Variants in TSPAN11 observed in about 807,000 individuals in gnomAD.
The protein encoded by TSPAN11 is tetraspanin 11.
A neutral mutation model predicts 32.9 loss-of-function variants in TSPAN11; 29 were observed. The ratio of observed to expected loss-of-function variants is 0.88; its 90% CI spans 0.66 to 1.20. The LOEUF (loss-of-function observed/expected upper bound fraction) is 1.20, where lower values mean the gene tolerates loss of function less well. TSPAN11 is among the 50% of genes most tolerant of loss of function. TSPAN11 has a pLI of 0.00. For synonymous variants in TSPAN11, 140 were observed against 141.3 expected, an observed-to-expected ratio of 0.99 and a Z score of 0.07; for missense variants, 283 against 329.1, an observed-to-expected ratio of 0.86 and a Z score of 1.08.
At chr12:30,964,713 C>G (rs1178258254) in intron 3 of TSPAN11, among the ~76,000 whole-genome samples, 2 of 152,214 alleles carry the variant, frequency 1.3e-5, no homozygotes, top group African/African-American at 4.8e-5. Context: ...AACATGATAA[C>G]ATTACCATTA....
In TSPAN11 at chr12:30,993,531, G is replaced by A. The variant is rs1048294856; in HGVS notation, c.*1616G>A. 1 of 152,248 alleles carries A rather than the reference G, an allele frequency of 6.6e-6. No homozygotes were observed. The highest frequency in any genetic ancestry group is 1.5e-5 in the Non-Finnish European group (1 of 68,058). 9.4% of individuals were successfully genotyped at this position (152,248 alleles called of 1,614,324 possible). A position where few individuals can be genotyped will look rare whatever the true frequency, so the allele number is the denominator to read the frequency against. ...TCTGGGTGTTCTCCAGTGGCTTCTT[G>A]GAGCCTAGGCTGGTTTATCTCCCCT... On this transcript the variant is annotated 3_prime_UTR_variant, in exon 8 of 8. Transcript: ENST00000546076.
At chr12:30,951,767 G>A (rs1457320628) in intron 1 of TSPAN11, among the ~76,000 whole-genome samples, 3 of 152,198 alleles carry the variant, frequency 2.0e-5, no homozygotes, top group African/African-American at 7.2e-5. Context: ...CTGCAGGCTG[G>A]TACTGACACT....
chr12:31,011,558 A>G, the TSPAN11 span, among the ~76,000 whole-genome samples: 4 of 151,900 alleles, frequency 2.6e-5, no homozygotes, highest in Non-Finnish European at 5.9e-5. Flanking sequence ...GCTACTTACA[A>G]CCCACTCGCC....
intron 3 of TSPAN11, among the ~76,000 whole-genome samples, chr12:30,969,314 T>C (rs61316227): frequency 0.11 from 16,130 of 152,236 alleles, 919 homozygotes; most frequent in Non-Finnish European, 0.12. Context: ...TGTTGCTCCA[T>C]CAGCCACCCA....
chr12:30,946,005 G>T (rs570324876), intron 1 of TSPAN11, among the ~76,000 whole-genome samples: 2 of 152,316 alleles, frequency 1.3e-5, no homozygotes, highest in South Asian at 2.1e-4. Context: ...TTGCATGAGA[G>T]GACAGGGCCA....
At chr12:30,963,513 A>C (rs1938656363) in intron 2 of TSPAN11, among the ~76,000 whole-genome samples, 1 of 152,172 alleles carries the variant, frequency 6.6e-6, no homozygotes, top group Non-Finnish European at 1.5e-5. Context: ...AGATACGTTG[A>C]TCATCCCTGA....
intron 1 of TSPAN11, among the ~76,000 whole-genome samples, chr12:30,930,314 G>T (rs1007134857): frequency 1.4e-4 from 22 of 152,190 alleles, no homozygotes; most frequent in African/African-American, 5.3e-4. Flanking sequence ...ACTCATTGTT[G>T]AGGACATTAA....
At chr12:30,928,243 C>G (rs1937843780) in intron 1 of TSPAN11, among the ~76,000 whole-genome samples, 1 of 152,186 alleles carries the variant, frequency 6.6e-6, no homozygotes, top group Admixed American at 6.5e-5. Context: ...TCCAGAGAGC[C>G]TTTCTTCAGA....
intron 3 of TSPAN11, among the ~76,000 whole-genome samples, chr12:30,964,598 C>A (rs1025752195): frequency 2.0e-5 from 3 of 152,204 alleles, no homozygotes; most frequent in African/African-American, 7.2e-5. Flanking sequence ...CACCTGCACC[C>A]TGCCCACTTC....
rs1939044052 is a variant in TSPAN11 at position 30,979,514 on chromosome 12, G to T, written c.352-52G>T. The T allele has an allele frequency of 1.5e-5, 23 of 1,563,140 alleles. No homozygotes were observed. In the South Asian group the frequency reaches 2.6e-4, roughly 17 times the overall value. The stretch of plus-strand genomic sequence containing the variant: ...AGTTGGAAGTGGGCCCGGTGCCAGG[G>T]CAGGGGTGGGGCTGGTCCCGCTGAT... On this transcript the variant is annotated intron_variant, in intron 4 of 7. Coordinates refer to ENST00000546076, the MANE Select transcript of TSPAN11 (RefSeq NM_001370302.1).
intron 1 of TSPAN11, among the ~76,000 whole-genome samples, chr12:30,947,677 C>T (rs1019878616): frequency 5.3e-5 from 8 of 152,140 alleles, no homozygotes; most frequent in African/African-American, 1.7e-4. Context: ...GTTACCTCCC[C>T]GGGGGTCCCT....
intron 2 of TSPAN11, among the ~76,000 whole-genome samples, chr12:30,956,650 G>T (rs1291620625): frequency 2.0e-5 from 3 of 152,138 alleles, no homozygotes; most frequent in Non-Finnish European, 4.4e-5. Flanking sequence ...TGCCTCCTTT[G>T]GGACCGTAAA....
chr12:31,000,017 C>G (rs564636271), downstream of TSPAN11, among the ~76,000 whole-genome samples: 1 of 151,038 alleles, frequency 6.6e-6, no homozygotes, highest in East Asian at 2.2e-4. Flanking sequence ...TGTTGTTACT[C>G]TTTCTGTTAG....
chr12:30,976,648 G>A (rs891529196), intron 3 of TSPAN11, among the ~76,000 whole-genome samples: 10 of 152,196 alleles, frequency 6.6e-5, no homozygotes, highest in Non-Finnish European at 1.5e-4. Flanking sequence ...AGTCCGTAGG[G>A]CAGAGGGAAC....
At chr12:30,940,967 A>C (rs1266809180) in intron 1 of TSPAN11, among the ~76,000 whole-genome samples, 1 of 152,228 alleles carries the variant, frequency 6.6e-6, no homozygotes, top group East Asian at 1.9e-4. Flanking sequence ...CCTGATGATC[A>C]GAGGTGGAAC....
intron 3 of TSPAN11, 100 bp from the exon 4 acceptor site, chr12:30,978,461 G>T: frequency 8.5e-7 from 1 of 1,170,892 alleles, no homozygotes; most frequent in Non-Finnish European, 1.3e-6. Context: ...GATGATAGGG[G>T]TCCCAGCAGG....
At chr12:31,006,641 G>A in the TSPAN11 span, among the ~76,000 whole-genome samples, 1 of 152,188 alleles carries the variant, frequency 6.6e-6, no homozygotes. Context: ...CAGGCCCCTG[G>A]CATAGGGAGG....
At chr12:31,005,504 C>T in the TSPAN11 span, among the ~76,000 whole-genome samples, 6 of 152,198 alleles carry the variant, frequency 3.9e-5, no homozygotes, top group Admixed American at 3.9e-4. Context: ...CTCCAGAGCA[C>T]ACCCCAGCCC....
chr12:31,003,935 C>T, the TSPAN11 span, among the ~76,000 whole-genome samples: 1 of 152,214 alleles, frequency 6.6e-6, no homozygotes, highest in Admixed American at 6.5e-5. Flanking sequence ...AAGTTATATC[C>T]TCCTGGTCCC....
Sources: allele counts gnomAD v4.1 joint callset (sites outside exome capture counted in the v4.1 genomes callset), GRCh38; gene constraint gnomAD v4.1.1; transcripts MANE v1.5; gene names NCBI Gene and HGNC (gene_info 2026-07-23, HGNC 2026-07-21).